Variants in PAK5 observed in about 807,000 individuals in gnomAD.
PAK5 encodes the protein serine/threonine-protein kinase PAK 5.
A neutral mutation model predicts 65.9 loss-of-function variants in PAK5; 16 were observed. The observed-to-expected ratio is 0.24, with a 90% confidence interval of 0.16 to 0.37. PAK5 has a LOEUF of 0.37. PAK5 is among the 10% of genes least tolerant of loss of function. PAK5 has a pLI of 1.00. For missense variants in PAK5, 785 were observed against 903.9 expected (o/e 0.87, Z 1.69); for synonymous variants, 371 against 354.9 (o/e 1.05, Z -0.51).
intron 1 of PAK5, among the ~76,000 whole-genome samples, chr20:9,824,747 C>T (rs903782954): frequency 9.2e-5 from 14 of 152,190 alleles, no homozygotes; most frequent in Admixed American, 7.9e-4. Flanking sequence ...TTATCCCACT[C>T]TATTTTATAA....
chr20:9,788,894 G>A (rs572847642), intron 1 of PAK5, among the ~76,000 whole-genome samples: 1 of 152,266 alleles, frequency 6.6e-6, no homozygotes, highest in East Asian at 1.9e-4. Context: ...AGACATGTTG[G>A]TGAATTTCAG....
intron 1 of PAK5, among the ~76,000 whole-genome samples, chr20:9,752,642 T>TA (rs1223790302): frequency 4.6e-5 from 7 of 152,160 alleles, no homozygotes; most frequent in Non-Finnish European, 1.0e-4. Context: ...CTTATCAATT[T>TA]AAAAAATTTA....
intron 3 of PAK5, among the ~76,000 whole-genome samples, chr20:9,596,453 A>G (rs201027585): frequency 2.2e-4 from 33 of 151,868 alleles, no homozygotes; most frequent in East Asian, 9.8e-4. Context: ...TGGCTAACAC[A>G]GTGAAACCCC....
At chr20:9,594,794 T>C (rs573652806) in intron 3 of PAK5, among the ~76,000 whole-genome samples, 5 of 152,326 alleles carry the variant, frequency 3.3e-5, no homozygotes, top group Admixed American at 1.3e-4. Context: ...TTCCAATAAA[T>C]CTTTTTAATC....
rs58376139 is a variant in PAK5 at position 9,618,403 on chromosome 20, CTTTTTTT to C, written c.204+25715_204+25721del. The stretch of plus-strand genomic sequence containing the variant: ...CAGGACAGACTATTACGGCCTGGAA[CTTTTTTT>C]TTTTTTTTTTTTTTGAGACAGAGTC... On this transcript the variant is annotated intron_variant, in intron 3 of 9. Transcript: ENST00000353224. 6.9e-4 allele frequency among the ~76,000 whole-genome samples: 89 copies of C among 129,788 alleles called. No individual in the cohort carries two copies. In the East Asian group the frequency reaches 0.019, roughly 27 times the overall value. 85.1% of individuals were successfully genotyped at this position (129,788 alleles called of 152,430 possible). A position where few individuals can be genotyped will look rare whatever the true frequency, so the allele number is the denominator to read the frequency against.
chr20:9,800,463 G>A (rs1299379572), intron 1 of PAK5, among the ~76,000 whole-genome samples: 1 of 152,002 alleles, frequency 6.6e-6, no homozygotes, highest in Non-Finnish European at 1.5e-5. Flanking sequence ...TCATGCCTGT[G>A]GGATGACAAG....
intron 3 of PAK5, among the ~76,000 whole-genome samples, chr20:9,618,793 G>A (rs996120267): frequency 4.0e-5 from 6 of 151,506 alleles, no homozygotes; most frequent in African/African-American, 9.7e-5. Flanking sequence ...GCAACTTAAG[G>A]AAAAGCTGAG....
intron 3 of PAK5, among the ~76,000 whole-genome samples, chr20:9,604,169 G>T (rs904406044): frequency 2.6e-5 from 4 of 152,184 alleles, no homozygotes; most frequent in South Asian, 2.1e-4. Context: ...TTAGTTCCTT[G>T]TCAATGACAA....
intron 6 of PAK5, among the ~76,000 whole-genome samples, chr20:9,559,761 C>CAAA (rs906507714): frequency 7.1e-6 from 1 of 140,544 alleles, no homozygotes; most frequent in Non-Finnish European, 1.6e-5. Context: ...GGCTCTGTTT[C>CAAA]AAAAAAAAAA....
At chr20:9,727,365 A>T (rs1037725419) in intron 1 of PAK5, among the ~76,000 whole-genome samples, 1 of 152,114 alleles carries the variant, frequency 6.6e-6, no homozygotes, top group African/African-American at 2.4e-5. Flanking sequence ...GGTGAAGTTA[A>T]CCTTCTTCAT....
intron 3 of PAK5, among the ~76,000 whole-genome samples, chr20:9,638,379 T>C (rs2047008406): frequency 6.6e-6 from 1 of 152,232 alleles, no homozygotes; most frequent in Non-Finnish European, 1.5e-5. Context: ...GCCCAAAAGT[T>C]TGGGCACACA....
chr20:9,833,479 C>A (rs2123792231), intron 1 of PAK5, among the ~76,000 whole-genome samples: 1 of 148,166 alleles, frequency 6.7e-6, no homozygotes, highest in South Asian at 2.2e-4. Context: ...ACCACCTCAT[C>A]CCACCACCTT....
intron 1 of PAK5, among the ~76,000 whole-genome samples, chr20:9,779,134 C>T (rs548801253): frequency 6.6e-6 from 1 of 152,146 alleles, no homozygotes; most frequent in South Asian, 2.1e-4. Context: ...CTTTCTTTTA[C>T]ATTGGCAGCT....
chr20:9,623,682 A>C (rs1226125184), intron 3 of PAK5, among the ~76,000 whole-genome samples: 1 of 152,248 alleles, frequency 6.6e-6, no homozygotes, highest in Non-Finnish European at 1.5e-5. Context: ...ACAAGGGGGC[A>C]TTTAAAGTTA....
chr20:9,725,232 A>G (rs2048262562), intron 1 of PAK5, among the ~76,000 whole-genome samples: 1 of 152,176 alleles, frequency 6.6e-6, no homozygotes, highest in South Asian at 2.1e-4. Flanking sequence ...AGGATGCTAC[A>G]AAGTATTTGC....
At chr20:9,575,406 G>A (rs560563642) in intron 4 of PAK5, among the ~76,000 whole-genome samples, 2 of 152,142 alleles carry the variant, frequency 1.3e-5, no homozygotes, top group Non-Finnish European at 2.9e-5. Context: ...GCACAGAGAA[G>A]ATCATACAGC....
intron 2 of PAK5, among the ~76,000 whole-genome samples, chr20:9,709,383 C>T (rs565006770): frequency 2.0e-5 from 3 of 152,154 alleles, no homozygotes; most frequent in Non-Finnish European, 2.9e-5. Context: ...TTATAAGGTG[C>T]TGTGAAAAGT....
intron 1 of PAK5, among the ~76,000 whole-genome samples, chr20:9,713,729 G>A (rs2123494579): frequency 6.6e-6 from 1 of 152,168 alleles, no homozygotes; most frequent in African/African-American, 2.4e-5. Context: ...GGATGGAATT[G>A]AAGGTTATTA....
chr20:9,540,354 C>A, intron 9 of PAK5, among the ~76,000 whole-genome samples: 1 of 152,224 alleles, frequency 6.6e-6, no homozygotes, highest in Non-Finnish European at 1.5e-5. Flanking sequence ...TAGGAAGCTA[C>A]TTTTAGGTTT....
Sources: allele counts gnomAD v4.1 joint callset (sites outside exome capture counted in the v4.1 genomes callset), GRCh38; gene constraint gnomAD v4.1.1; transcripts MANE v1.5; gene names NCBI Gene and HGNC (gene_info 2026-07-23, HGNC 2026-07-21).